Variants in EVI5L observed in about 807,000 individuals in gnomAD.
EVI5L encodes the protein EVI5-like protein.
In EVI5L, 30 loss-of-function variants were observed where a neutral mutation model predicts 106.1. The ratio of observed to expected loss-of-function variants is 0.28; its 90% CI spans 0.21 to 0.38. The LOEUF is 0.38. Ranked by LOEUF, EVI5L falls within the 10% of genes least tolerant of loss-of-function variation. The probability of loss-of-function intolerance (pLI) is 1.00; values close to 1 mark genes in which losing one functional copy is unlikely to be tolerated. For missense variants in EVI5L, 809 were observed against 1,098.0 expected (o/e 0.74, Z 3.72); for synonymous variants, 489 against 483.3 (o/e 1.01, Z -0.15).
chr19:7,831,821 TCCTCAGAGCTGGC>T (rs1262535980), intron 1 of EVI5L, among the ~76,000 whole-genome samples: 3 of 152,206 alleles, frequency 2.0e-5, no homozygotes, highest in African/African-American at 7.2e-5. Flanking sequence ...TCCAGGTTGC[TCCTCAGAGCTGGC>T]CCCTGACAGC....
chr19:7,830,440 C>A (rs939007386), intron 1 of EVI5L, 59 bp downstream of exon 1: 30 of 151,410 alleles, frequency 2.0e-4, no homozygotes, highest in African/African-American at 6.8e-4. Flanking sequence ...CTCCGTGATG[C>A]GGCCCGCGGG....
intron 1 of EVI5L, among the ~76,000 whole-genome samples, chr19:7,843,506 T>C (rs1322277304): frequency 7.0e-6 from 1 of 142,198 alleles, no homozygotes; most frequent in South Asian, 2.3e-4. Context: ...TGTATAGGTG[T>C]ATGAGTGTGT....
intron 7 of EVI5L, 46 bp from the exon 8 acceptor site, chr19:7,851,635 G>C (rs375710072): frequency 3.1e-5 from 50 of 1,593,138 alleles, no homozygotes; most frequent in Middle Eastern, 1.7e-4. Flanking sequence ...GTTGGAACAG[G>C]AGCCTCCCTG....
Position 7,836,000 on chromosome 19 carries a change from G to C in EVI5L, c.-48+5619G>C, listed in dbSNP as rs1402570403. On this transcript the variant is annotated intron_variant, in intron 1 of 19. Coordinates refer to ENST00000538904, the MANE Select transcript of EVI5L (RefSeq NM_001159944.3). This position sits in a 1 kb window ranked among gnomAD's most constrained non-coding sequence, Gnocchi z 4.1. ...ACCTGTGATCTCGGTACTTTGGGAG[G>C]CCGAGGCGGGAGGATCACCTGAGGT... 6.6e-6 allele frequency among the ~76,000 whole-genome samples: 1 copy of C among 152,094 alleles called. No homozygotes were observed. The highest frequency in any genetic ancestry group is 2.4e-5 in the African/African-American group (1 of 41,380).
chr19:7,858,249 C>T lies in EVI5L; in HGVS notation c.1292C>T (p.Ala431Val), dbSNP rs763035502. The change falls in exon 13 of 20, where the codon GCG (alanine) becomes GTG (valine). Residue 431 changes from alanine to valine, a missense_variant. Around this residue, in one of 2 missense-constraint regions of EVI5L, gnomAD observed 357 missense variants for 588.1 expected, o/e 0.61. Coordinates refer to ENST00000538904, the MANE Select transcript of EVI5L (RefSeq NM_001159944.3). This position sits in a 1 kb window ranked among gnomAD's most constrained non-coding sequence, Gnocchi z 5.7. ...EENYVIKRELAVVRQQCSSAA... is the reference protein window; with the variant it reads ...EENYVIKRELVVVRQQCSSAA... ...AACTACGTCATCAAGCGGGAGCTGG[C>T]GGTGGTGCGGCAGCAGTGCAGCTCG... 2.6e-6 allele frequency: 4 copies of T among 1,561,608 alleles called. No individual in the cohort carries two copies. The highest frequency in any genetic ancestry group is 1.8e-4 in the Middle Eastern group (1 of 5,654).
rs1276276085 is a variant in EVI5L, at chr19:7,861,891, T to C, written c.1517T>C (p.Leu506Pro). ...CTCTTCCCGCAGAGGAACAGCTCGC[T>C]GCCCGACGAGAACAATGTGGCGCAG... ...VLDMEKRNSS[L>P]PDENNVAQLQ... The change falls in exon 15 of 20, where the codon CTG (leucine) becomes CCG (proline). Residue 506 changes from leucine (L) to proline (P), a missense_variant. Leu to Pro is a moderately conservative substitution (Grantham distance 98). Coordinates refer to ENST00000538904, the MANE Select transcript of EVI5L (RefSeq NM_001159944.3). 6.4e-7 allele frequency: 1 copy of C among 1,551,016 alleles called. No homozygotes were observed. Among genetic ancestry groups the C allele is most frequent in the African/African-American group, 1.4e-5 (1 of 73,198 alleles).
Position 7,858,137 on chromosome 19 carries a change from G to A in EVI5L, c.1234-54G>A. 6.5e-7 allele frequency: 1 copy of A among 1,531,370 alleles called. No individual in the cohort carries two copies. The highest frequency in any genetic ancestry group is 8.8e-7 in the Non-Finnish European group (1 of 1,136,754). The allele number at this position is 1,531,370 out of a possible 1,614,324, so 94.9% of individuals were successfully genotyped here. ...CCCTGTGGCGGGAGGCAGGGCCTTG[G>A]GTGGGAGCCGAGGGTCACGGCCTCC... On this transcript the variant is annotated intron_variant, in intron 12 of 19. Coordinates refer to ENST00000538904, the MANE Select transcript of EVI5L (RefSeq NM_001159944.3). The surrounding 1 kb of genome is among the most constrained non-coding windows in gnomAD (Gnocchi z 5.7).
rs375712197 is a variant in EVI5L, at chr19:7,847,776, C to T, written c.182C>T (p.Ser61Leu). The change falls in exon 3 of 20, where the codon TCG becomes TTG. Residue 61 changes from serine (S) to leucine (L), a missense_variant. Physicochemically the swap from Ser to Leu is moderately radical, Grantham distance 145. Around this residue, in one of 2 missense-constraint regions of EVI5L, gnomAD observed 357 missense variants for 588.1 expected, o/e 0.61. Transcript: ENST00000538904. ...DSKSMRSMNG[S>L]RRNSGSSLVS... The stretch of plus-strand genomic sequence containing the variant: ...AAGTCCATGCGCTCCATGAATGGCT[C>T]GCGGCGGAACAGTGGCTCCTCGCTA... 6.2e-7 allele frequency: 1 copy of T among 1,613,342 alleles called. No individual in the cohort carries two copies. Among genetic ancestry groups the T allele is most frequent in the Non-Finnish European group, 8.5e-7 (1 of 1,179,790 alleles).
chr19:7,842,899 TGA>T (rs1264240600), intron 1 of EVI5L, among the ~76,000 whole-genome samples: 3 of 149,834 alleles, frequency 2.0e-5, no homozygotes, highest in Non-Finnish European at 4.5e-5. Context: ...ATGTGTGTAT[TGA>T]GTGTGTGCAT....
Position 7,848,669 on chromosome 19 carries a change from T to G in EVI5L, c.328-252T>G, listed in dbSNP as rs1391174756. 2.0e-5 allele frequency among the ~76,000 whole-genome samples: 3 copies of G among 151,582 alleles called. No individual in the cohort carries two copies. Among genetic ancestry groups the G allele is most frequent in the African/African-American group, 7.3e-5 (3 of 41,260 alleles). On this transcript the variant is annotated intron_variant, in intron 3 of 19. Transcript: ENST00000538904. The surrounding 1 kb of genome is among the most constrained non-coding windows in gnomAD (Gnocchi z 4.8). Reference sequence around the variant, plus strand: ...CTGTAGTCCCAGCTACTCAGGAAGCTGAGGCAGGAGGATCGCTTGAGCCCA... The same window carrying G: ...CTGTAGTCCCAGCTACTCAGGAAGCGGAGGCAGGAGGATCGCTTGAGCCCA...
Position 7,862,455 on chromosome 19 carries a change from A to G in EVI5L, c.1868A>G (p.Gln623Arg). ...CGCGCGGCGCTGCAGGAGAAGCTGC[A>G]GTACCTGGCTGCACAGAACAAGGGG... ...AERAALQEKLQYLAAQNKGLQ... is the reference protein window; with the variant it reads ...AERAALQEKLRYLAAQNKGLQ... Residue 623 changes from glutamine to arginine, a missense_variant, in exon 17 of 20, where the codon CAG (glutamine) becomes CGG (arginine). Around this residue, in one of 2 missense-constraint regions of EVI5L, gnomAD observed 452 missense variants for 509.9 expected, o/e 0.89. Coordinates refer to ENST00000538904, the MANE Select transcript of EVI5L (RefSeq NM_001159944.3). 6.2e-7 allele frequency: 1 copy of G among 1,609,588 alleles called. No individual in the cohort carries two copies. Among genetic ancestry groups the G allele is most frequent in the Non-Finnish European group, 8.5e-7 (1 of 1,178,544 alleles).
intron 1 of EVI5L, among the ~76,000 whole-genome samples, chr19:7,831,930 G>A (rs1568230007): frequency 6.6e-6 from 1 of 152,268 alleles, no homozygotes; most frequent in Non-Finnish European, 1.5e-5. Context: ...CTGGGTCGGG[G>A]CCTGCCAGAA....
chr19:7,857,066 C>T lies in EVI5L; in HGVS notation c.1201-26C>T, dbSNP rs1041662970. 1.2e-5 allele frequency: 19 copies of T among 1,551,768 alleles called. No homozygotes were observed. Among genetic ancestry groups the T allele is most frequent in the South Asian group, 4.8e-5 (4 of 84,074 alleles). ...CTTCCGCTCTGCCTCCTCCCCCTGT[C>T]GCTGGGAACCCCCTTCGCCGGGTAG... On this transcript the variant is annotated intron_variant, in intron 11 of 19. Coordinates refer to ENST00000538904, the MANE Select transcript of EVI5L (RefSeq NM_001159944.3). The surrounding 1 kb of genome is among the most constrained non-coding windows in gnomAD (Gnocchi z 4.5).
rs1457659109 is a variant in EVI5L at position 7,849,067 on chromosome 19, C to T, written c.474C>T (p.Ile158=). 17 of 1,612,286 alleles carry T rather than the reference C, an allele frequency of 1.1e-5. No homozygotes were observed. The highest frequency in any genetic ancestry group is 6.7e-5 in the African/African-American group (5 of 74,888). Residue 158 remains isoleucine (I), a synonymous_variant, in exon 4 of 20, where the codon ATC becomes ATT. Coordinates refer to ENST00000538904, the MANE Select transcript of EVI5L (RefSeq NM_001159944.3). Reference sequence around the variant, plus strand: ...GCGAGAAGCTGATCCGCAGGGACATCGCCCGCACCTACCCGGAACATGAGT... The same window carrying T: ...GCGAGAAGCTGATCCGCAGGGACATTGCCCGCACCTACCCGGAACATGAGT... ...SPCEKLIRRD[I]ARTYPEHEFF...
At chr19:7,839,267 C>A (rs1654349584) in intron 1 of EVI5L, among the ~76,000 whole-genome samples, 2 of 151,684 alleles carry the variant, frequency 1.3e-5, no homozygotes, top group Non-Finnish European at 2.9e-5. Flanking sequence ...CGCGCCACTG[C>A]ACTCCAGCCT....
chr19:7,862,312 C>A, intron 16 of EVI5L, 35 bp downstream of exon 16: 1 of 1,579,896 alleles, frequency 6.3e-7, no homozygotes, highest in Non-Finnish European at 8.6e-7. Flanking sequence ...GGGGAAGGGG[C>A]GTGGTGTCCG....
chr19:7,846,842 A>G (rs55752820), intron 2 of EVI5L, among the ~76,000 whole-genome samples, 163 bp downstream of exon 2: 5 of 152,088 alleles, frequency 3.3e-5, no homozygotes, highest in Non-Finnish European at 5.9e-5. Flanking sequence ...CATCCTCCCA[A>G]CCCTGGCTGA....
At position 7,830,372 on chromosome 19, in the gene EVI5L, C is replaced by T. The variant is rs1978289836; in HGVS notation, c.-57C>T. On this transcript the variant is annotated 5_prime_UTR_variant, in exon 1 of 20. Transcript: ENST00000538904. ...GGCTCGGCACGGAGATGGCGGCGCG[C>T]TCGGCGCAGGTAGGGCGGCGCGGGC... 1 of 151,448 alleles carries T rather than the reference C, an allele frequency of 6.6e-6. No homozygotes were observed. The highest frequency in any genetic ancestry group is 1.8e-4 in the South Asian group (1 of 5,544). The allele number at this position is 151,448 out of a possible 1,614,324, so 9.4% of individuals were successfully genotyped here.
At chr19:7,851,383 G>T (rs537125667) in intron 6 of EVI5L, 51 bp from the exon 7 acceptor site, 1 of 1,576,358 alleles carries the variant, frequency 6.3e-7, no homozygotes, top group East Asian at 2.3e-5. Flanking sequence ...AGCACCCCCC[G>T]GTGGGAGGGC....
Sources: gnomAD v4.1 joint callset for allele counts (sites outside exome capture counted in the v4.1 genomes callset) on GRCh38, gnomAD v4.1.1 for gene constraint, gnomAD v4.1.1 regional missense constraint, Gnocchi (gnomAD v3.1) non-coding constraint, MANE v1.5 for transcripts, NCBI Gene and HGNC (gene_info 2026-07-23, HGNC 2026-07-21) for gene names.